SSBP2: variants seen among roughly 807,000 people sequenced by gnomAD.
SSBP2 encodes single-stranded DNA-binding protein 2.
Under a neutral mutation model 61.8 loss-of-function variants are expected in SSBP2, and 17 were observed. That is an observed-to-expected ratio of 0.28 (90% CI 0.19 to 0.41). The LOEUF (loss-of-function observed/expected upper bound fraction) is 0.41. Ranked by LOEUF, SSBP2 falls within the 10% of genes least tolerant of loss-of-function variation. SSBP2 has a pLI of 1.00. For synonymous variants in SSBP2, 139 were observed against 141.3 expected, an observed-to-expected ratio of 0.98 and a Z score of 0.12; for missense variants, 310 against 458.7, an observed-to-expected ratio of 0.68 and a Z score of 2.96.
intron 4 of SSBP2, among the ~76,000 whole-genome samples, chr5:81,563,557 A>G (rs1258046144): frequency 2.0e-5 from 3 of 152,292 alleles, no homozygotes; most frequent in East Asian, 3.9e-4. Context: ...TACTAGTGTA[A>G]AGACAGACAT....
At chr5:81,609,803 C>T (rs1333732401) in intron 4 of SSBP2, among the ~76,000 whole-genome samples, 1 of 152,114 alleles carries the variant, frequency 6.6e-6, no homozygotes, top group Non-Finnish European at 1.5e-5. Flanking sequence ...CTGTTGTGCC[C>T]ACCTTTCAGT....
chr5:81,574,128 G>A (rs1360534876), intron 4 of SSBP2, among the ~76,000 whole-genome samples: 1 of 151,990 alleles, frequency 6.6e-6, no homozygotes, highest in Non-Finnish European at 1.5e-5. Context: ...GTGACAGAGT[G>A]AGACTCCATC....
At chr5:81,719,162 C>T (rs1020136286) in intron 1 of SSBP2, among the ~76,000 whole-genome samples, 1 of 152,140 alleles carries the variant, frequency 6.6e-6, no homozygotes, top group Non-Finnish European at 1.5e-5. Context: ...GGTTTCAACA[C>T]AAAGTATGAC....
At chr5:81,452,119 A>G (rs2153981657) in intron 10 of SSBP2, among the ~76,000 whole-genome samples, 1 of 152,316 alleles carries the variant, frequency 6.6e-6, no homozygotes, top group Non-Finnish European at 1.5e-5. Flanking sequence ...ATCATGGTTT[A>G]TTTGGGAAAT....
chr5:81,674,807 A>G (rs1274333953), intron 1 of SSBP2, among the ~76,000 whole-genome samples: 5 of 152,216 alleles, frequency 3.3e-5, no homozygotes, highest in Admixed American at 3.3e-4. Context: ...GGCTCATGGT[A>G]CTAAACCAGA....
At chr5:81,426,814 T>C (rs777467796) in intron 16 of SSBP2, among the ~76,000 whole-genome samples, 2 of 152,080 alleles carry the variant, frequency 1.3e-5, no homozygotes, top group Non-Finnish European at 2.9e-5. Context: ...GAGGGAAGAG[T>C]TCCTCTTGTC....
chr5:81,508,679 A>C (rs1413804858), intron 5 of SSBP2, among the ~76,000 whole-genome samples: 1 of 152,188 alleles, frequency 6.6e-6, no homozygotes, highest in East Asian at 1.9e-4. Flanking sequence ...TCACAAGTTC[A>C]GTTTGTGATC....
chr5:81,629,504 T>C (rs1747492047), intron 3 of SSBP2, among the ~76,000 whole-genome samples: 1 of 152,230 alleles, frequency 6.6e-6, no homozygotes. Context: ...CTGTCATTAC[T>C]TGAGTGTATG....
At chr5:81,691,564 A>T (rs80121035) in intron 1 of SSBP2, among the ~76,000 whole-genome samples, 2 of 144,452 alleles carry the variant, frequency 1.4e-5, no homozygotes, top group African/African-American at 5.1e-5. Context: ...ATGCTGTAAT[A>T]AAAAAAAAAA....
chr5:81,429,627 A>G (rs1762165216), intron 15 of SSBP2, among the ~76,000 whole-genome samples: 1 of 152,196 alleles, frequency 6.6e-6, no homozygotes, highest in African/African-American at 2.4e-5. Context: ...TGGAAGAAAT[A>G]ACTTACTTAC....
chr5:81,505,825 C>G (rs1768139494), intron 5 of SSBP2, among the ~76,000 whole-genome samples: 1 of 152,088 alleles, frequency 6.6e-6, no homozygotes, highest in East Asian at 1.9e-4. Flanking sequence ...CTAGAATGAC[C>G]AGCCTAAATT....
intron 4 of SSBP2, among the ~76,000 whole-genome samples, chr5:81,564,114 G>A (rs1332275805): frequency 6.6e-6 from 1 of 152,094 alleles, no homozygotes; most frequent in African/African-American, 2.4e-5. Context: ...CTCCAAAGAA[G>A]ATATACAAAT....
intron 4 of SSBP2, among the ~76,000 whole-genome samples, chr5:81,610,955 T>C (rs974095358): frequency 2.0e-5 from 3 of 152,066 alleles, no homozygotes; most frequent in South Asian, 2.1e-4. Flanking sequence ...GATCACACCA[T>C]TGCACTCCAG....
At chr5:81,635,677 G>A (rs374770277) in intron 3 of SSBP2, among the ~76,000 whole-genome samples, 23 of 150,614 alleles carry the variant, frequency 1.5e-4, no homozygotes, top group East Asian at 9.8e-4. Flanking sequence ...TCCGCCTCCC[G>A]GGTTCACGCC....
chr5:81,679,869 T>C (rs1279122418), intron 1 of SSBP2, among the ~76,000 whole-genome samples: 2 of 151,898 alleles, frequency 1.3e-5, no homozygotes, highest in African/African-American at 4.8e-5. Context: ...TGCATTTGAA[T>C]TGGTAGAGTG....
chr5:81,640,941 T>C (rs1483009625), intron 2 of SSBP2, among the ~76,000 whole-genome samples: 2 of 152,248 alleles, frequency 1.3e-5, no homozygotes, highest in Non-Finnish European at 1.5e-5. Flanking sequence ...ATCCTAATCA[T>C]ATGACCAGCA....
chr5:81,594,407 C>T (rs903137095), intron 4 of SSBP2, among the ~76,000 whole-genome samples: 1 of 151,982 alleles, frequency 6.6e-6, no homozygotes, highest in African/African-American at 2.4e-5. Flanking sequence ...ACTTTAACAC[C>T]CCACTGTCAA....
chr5:81,576,900 T>C (rs1774255134), intron 4 of SSBP2, among the ~76,000 whole-genome samples: 1 of 152,030 alleles, frequency 6.6e-6, no homozygotes, highest in African/African-American at 2.4e-5. Flanking sequence ...TTGAAAAAAG[T>C]ATATAGTTTT....
chr5:81,729,988 T>C (rs1756147156), intron 1 of SSBP2, among the ~76,000 whole-genome samples: 1 of 152,178 alleles, frequency 6.6e-6, no homozygotes, highest in South Asian at 2.1e-4. Context: ...ATTATTAATC[T>C]ATTTTTAATG....
Sources: gnomAD v4.1 joint callset for allele counts (sites outside exome capture counted in the v4.1 genomes callset) on GRCh38, gnomAD v4.1.1 for gene constraint, MANE v1.5 for transcripts, NCBI Gene and HGNC (gene_info 2026-07-23, HGNC 2026-07-21) for gene names.